The following SUPT3H variants were observed in gnomAD, a reference collection of about 807,000 sequenced individuals.
SUPT3H encodes SPT3 homolog, SAGA and STAGA complex component.
In SUPT3H, 44 loss-of-function variants were observed where a neutral mutation model predicts 44.3. The ratio of observed to expected loss-of-function variants is 0.99; its 90% CI spans 0.78 to 1.28. SUPT3H has a LOEUF of 1.28. Among genes scored for constraint, SUPT3H ranks in the 50% most tolerant of loss-of-function variants. The pLI is 0.00. For missense variants in SUPT3H, 380 were observed against 387.1 expected, an observed-to-expected ratio of 0.98 and a Z score of 0.15; for synonymous variants, 124 against 125.6, an observed-to-expected ratio of 0.99 and a Z score of 0.09.
chr6:45,157,906 G>A (rs766319899), intron 2 of SUPT3H, among the ~76,000 whole-genome samples: 15 of 151,154 alleles, frequency 9.9e-5, no homozygotes, highest in East Asian at 1.9e-4. Flanking sequence ...GATGAGAATC[G>A]TTATAGATCA....
At chr6:44,952,511 T>C (rs1166497872) in intron 9 of SUPT3H, among the ~76,000 whole-genome samples, 1 of 152,192 alleles carries the variant, frequency 6.6e-6, no homozygotes, top group Admixed American at 6.5e-5. Flanking sequence ...GTTATATATT[T>C]CAACCAACTT....
intron 2 of SUPT3H, among the ~76,000 whole-genome samples, chr6:45,252,980 T>C (rs1225023720): frequency 2.0e-5 from 3 of 151,998 alleles, no homozygotes; most frequent in Non-Finnish European, 2.9e-5. Flanking sequence ...GAGTTATTCA[T>C]AGAGGGCTAT....
chr6:45,019,819 T>C (rs1235782971), intron 4 of SUPT3H, among the ~76,000 whole-genome samples: 7 of 151,970 alleles, frequency 4.6e-5, no homozygotes, highest in African/African-American at 7.2e-5. Context: ...GTAAATCATA[T>C]AGATACCCTA....
At chr6:44,853,765 T>C (rs887361031) in intron 10 of SUPT3H, among the ~76,000 whole-genome samples, 5 of 151,898 alleles carry the variant, frequency 3.3e-5, no homozygotes, top group Non-Finnish European at 4.4e-5. Flanking sequence ...AGGCAAATTA[T>C]GGGAAGGTGA....
At chr6:45,303,358 C>T (rs1320496135) in intron 2 of SUPT3H, among the ~76,000 whole-genome samples, 6 of 152,042 alleles carry the variant, frequency 3.9e-5, no homozygotes, top group African/African-American at 7.2e-5. Context: ...AGAAAATCTT[C>T]GCAAGCTATA....
At chr6:45,219,516 G>C (rs993497582) in intron 2 of SUPT3H, among the ~76,000 whole-genome samples, 3 of 152,048 alleles carry the variant, frequency 2.0e-5, no homozygotes, top group Non-Finnish European at 4.4e-5. Context: ...TTAGACTTAC[G>C]AATCTGACAA....
At chr6:44,994,885 T>C (rs749822340) in intron 6 of SUPT3H, among the ~76,000 whole-genome samples, 12 of 151,796 alleles carry the variant, frequency 7.9e-5, no homozygotes, top group Non-Finnish European at 1.5e-4. Flanking sequence ...CTTTGTTATC[T>C]GAAACAAAAC....
chr6:44,879,987 A>G (rs1485512424), intron 10 of SUPT3H, among the ~76,000 whole-genome samples: 4 of 152,198 alleles, frequency 2.6e-5, no homozygotes, highest in African/African-American at 9.7e-5. Context: ...TAGAGCAAAA[A>G]GGCTGAAAAT....
chr6:45,106,081 C>T (rs1799229289), intron 2 of SUPT3H, 75 bp from the exon 3 acceptor site: 2 of 1,192,872 alleles, frequency 1.7e-6, no homozygotes, highest in Non-Finnish European at 1.2e-6. Context: ...ACATTTATTA[C>T]ATGAATCAGT....
intron 2 of SUPT3H, chr6:45,328,864 C>A: frequency 1.4e-6 from 2 of 1,427,248 alleles, no homozygotes; most frequent in Non-Finnish European, 2.0e-6. Flanking sequence ...AAACTGCTAG[C>A]TTTTCCAAAT....
chr6:44,973,423 T>C (rs1166824612), intron 6 of SUPT3H, among the ~76,000 whole-genome samples: 1 of 152,210 alleles, frequency 6.6e-6, no homozygotes, highest in Non-Finnish European at 1.5e-5. Flanking sequence ...ACTGTCAGCA[T>C]TTTGGTCAAA....
intron 3 of SUPT3H, among the ~76,000 whole-genome samples, chr6:45,069,928 C>G (rs924417603): frequency 6.6e-6 from 1 of 152,102 alleles, no homozygotes; most frequent in Non-Finnish European, 1.5e-5. Flanking sequence ...CTGCCAACAG[C>G]TGCGGGTAGC....
intron 9 of SUPT3H, among the ~76,000 whole-genome samples, chr6:44,936,367 A>T (rs564139817): frequency 7.7e-4 from 117 of 152,332 alleles, no homozygotes; most frequent in Non-Finnish European, 1.3e-3. Flanking sequence ...GTATAAATGT[A>T]TGCAGTACAA....
Position 45,020,636 on chromosome 6 carries a change from A to C in SUPT3H, c.187-4T>G. The C allele has an allele frequency of 6.2e-7, 1 of 1,608,386 alleles. No individual in the cohort carries two copies. Among genetic ancestry groups the C allele is most frequent in the South Asian group, 1.1e-5 (1 of 90,326 alleles). ...AAACTTCAGCAGCTTGCTGTAACTAACAATAATGAAAATTTAGAAATTTTT... is the reference window on the plus strand; with the variant it reads ...AAACTTCAGCAGCTTGCTGTAACTACCAATAATGAAAATTTAGAAATTTTT... On this transcript the variant is annotated splice_region_variant and splice_polypyrimidine_tract_variant and intron_variant, in intron 3 of 10. Coordinates refer to ENST00000371459, the MANE Select transcript of SUPT3H (RefSeq NM_003599.4).
intron 3 of SUPT3H, among the ~76,000 whole-genome samples, chr6:45,027,222 C>T (rs1262870767): frequency 6.6e-6 from 1 of 152,030 alleles, no homozygotes; most frequent in African/African-American, 2.4e-5. Context: ...AACTTCTGGG[C>T]TCAAGTAATC....
At chr6:44,904,125 C>G (rs565281435) in intron 10 of SUPT3H, among the ~76,000 whole-genome samples, 1 of 152,298 alleles carries the variant, frequency 6.6e-6, no homozygotes, top group South Asian at 2.1e-4. Flanking sequence ...TGGCACAAGA[C>G]AGGGATGCCC....
intron 10 of SUPT3H, among the ~76,000 whole-genome samples, chr6:44,869,004 T>C (rs1775936109): frequency 6.6e-6 from 1 of 152,250 alleles, no homozygotes; most frequent in South Asian, 2.1e-4. Flanking sequence ...CAAATGTCAC[T>C]GATGTTTCTG....
chr6:44,842,172 T>C (rs1230197715), intron 10 of SUPT3H, among the ~76,000 whole-genome samples: 1 of 152,168 alleles, frequency 6.6e-6, no homozygotes, highest in East Asian at 1.9e-4. Flanking sequence ...GATAGGATGC[T>C]GGGAACATTG....
chr6:45,155,084 A>G (rs1807599098), intron 2 of SUPT3H, among the ~76,000 whole-genome samples: 1 of 152,202 alleles, frequency 6.6e-6, no homozygotes, highest in Non-Finnish European at 1.5e-5. Flanking sequence ...AATGCATCTT[A>G]CTGGGCTCAT....
Sources: allele counts gnomAD v4.1 joint callset (sites outside exome capture counted in the v4.1 genomes callset), GRCh38; gene constraint gnomAD v4.1.1; transcripts MANE v1.5; gene names NCBI Gene and HGNC (gene_info 2026-07-23, HGNC 2026-07-21).